Variants in CKLF observed in about 807,000 individuals in gnomAD.
CKLF encodes the protein chemokine like factor, also known as chemokine-like factor.
CKLF carries 16 observed loss-of-function variants against 12.9 expected under a neutral mutation model. That is an observed-to-expected ratio of 1.24 (90% CI 0.84 to 1.88). The LOEUF (loss-of-function observed/expected upper bound fraction) is 1.88. CKLF is among the 40% of genes most tolerant of loss of function. The pLI is 0.00. For missense variants in CKLF, 172 were observed against 188.5 expected (o/e 0.91, Z 0.51); for synonymous variants, 61 against 69.0 (o/e 0.88, Z 0.57).
chr16:66,553,813 T>C (rs559980896), intron 1 of CKLF, among the ~76,000 whole-genome samples: 12 of 152,242 alleles, frequency 7.9e-5, no homozygotes, highest in African/African-American at 2.6e-4. Context: ...GGTGAGGATG[T>C]TATAAAGGAG....
intron 2 of CKLF, among the ~76,000 whole-genome samples, chr16:66,559,082 C>G (rs2011565873): frequency 1.3e-5 from 2 of 152,152 alleles, no homozygotes; most frequent in African/African-American, 4.8e-5. Context: ...CATCCTGTCT[C>G]TGTAGGTCTC....
At chr16:66,561,273 G>A (rs1177116042) in intron 2 of CKLF, among the ~76,000 whole-genome samples, 1 of 151,142 alleles carries the variant, frequency 6.6e-6, no homozygotes, top group Non-Finnish European at 1.5e-5. Context: ...CCCCCCGAGA[G>A]CCCCAAATGA....
In CKLF at chr16:66,565,888, G is replaced by A. The variant is rs16956732; in HGVS notation, c.336G>A (p.Val112=). The change falls in exon 4 of 4, where the codon GTG becomes GTA. Residue 112 remains valine (V), a splice_region_variant and synonymous_variant. Transcript: ENST00000264001. ...ETTTLTVGGG[V]FALVTAVCCL... ...GTGACACTTGTCTTTCTTTCCAGGT[G>A]TTTGCACTTGTGACAGCAGTATGCT... 2.4e-3 allele frequency: 3,840 copies of A among 1,613,926 alleles called. 3 individuals carry two copies. Among genetic ancestry groups the A allele is most frequent in the Non-Finnish European group, 3.1e-3 (3,658 of 1,179,938 alleles).
At chr16:66,552,895 C>T (rs1000388020) in intron 1 of CKLF, 102 bp downstream of exon 1, 85 of 1,547,412 alleles carry the variant, frequency 5.5e-5, no homozygotes, top group Non-Finnish European at 7.2e-5. Flanking sequence ...TTTTCAACCT[C>T]GCTTTGATCA....
downstream of CKLF, chr16:66,566,191 T>C (rs899689515): frequency 6.5e-7 from 1 of 1,530,104 alleles, no homozygotes; most frequent in Non-Finnish European, 8.8e-7. This position sits in a 1 kb window ranked among gnomAD's most constrained non-coding sequence, Gnocchi z 4.9. Context: ...GGGATCGGGT[T>C]TTCCGGCACC....
chr16:66,565,459 A>G (rs1022517273), intron 3 of CKLF, among the ~76,000 whole-genome samples: 1 of 152,168 alleles, frequency 6.6e-6, no homozygotes, highest in Non-Finnish European at 1.5e-5. Context: ...CCATGATTTA[A>G]TATTGAGCTG....
chr16:66,564,929 G>A (rs964083107), intron 3 of CKLF, among the ~76,000 whole-genome samples: 12 of 152,200 alleles, frequency 7.9e-5, no homozygotes, highest in Non-Finnish European at 1.8e-4. Flanking sequence ...GACACAAGTG[G>A]AAACCGCTGT....
chr16:66,556,857 A>G (rs1250666341), intron 1 of CKLF, among the ~76,000 whole-genome samples: 1 of 152,230 alleles, frequency 6.6e-6, no homozygotes, highest in East Asian at 1.9e-4. Context: ...TTACCAGCTG[A>G]CAGGATATTT....
Position 66,560,798 on chromosome 16 carries a change from T to TACACACAC in CKLF, c.238-2291_238-2284dup, listed in dbSNP as rs58084691. ...ACACATTTAAACAGAAAGATAAGTATACACACACACACACACACACACACA... is the reference window on the plus strand; with the variant it reads ...ACACATTTAAACAGAAAGATAAGTATACACACACACACACACACACACACACACACACA... On this transcript the variant is annotated intron_variant, in intron 2 of 3. Coordinates refer to ENST00000264001, the MANE Select transcript of CKLF (RefSeq NM_016951.4). 4.4e-3 allele frequency among the ~76,000 whole-genome samples: 628 copies of TACACACAC among 143,744 alleles called. 6 individuals carry two copies. Among genetic ancestry groups the TACACACAC allele is most frequent in the East Asian group, 0.017 (83 of 4,798 alleles). The allele number at this position is 143,744 out of a possible 152,430, so 94.3% of individuals were successfully genotyped here.
At chr16:66,562,922 A>G (rs1410184667) in intron 2 of CKLF, 200 bp from the exon 3 acceptor site, 3 of 618,920 alleles carry the variant, frequency 4.8e-6, no homozygotes, top group Non-Finnish European at 8.5e-6. Flanking sequence ...GGGTTTCACC[A>G]TGTCGGCCAG....
At chr16:66,560,399 A>G (rs773833830) in intron 2 of CKLF, among the ~76,000 whole-genome samples, 6 of 152,146 alleles carry the variant, frequency 3.9e-5, no homozygotes, top group Non-Finnish European at 8.8e-5. Flanking sequence ...TGATCAGATG[A>G]TCAGCCTCCA....
chr16:66,554,605 C>T (rs1297728789), intron 1 of CKLF, among the ~76,000 whole-genome samples: 3 of 152,134 alleles, frequency 2.0e-5, no homozygotes, highest in Non-Finnish European at 4.4e-5. Flanking sequence ...TTTTAGTATT[C>T]TAGAAGGTGG....
chr16:66,556,364 T>C (rs2011453792), intron 1 of CKLF, among the ~76,000 whole-genome samples: 1 of 152,204 alleles, frequency 6.6e-6, no homozygotes, highest in African/African-American at 2.4e-5. Context: ...CTGAAATCAC[T>C]GATGTTAGCA....
chr16:66,565,551 CTAAA>C (rs1241737652), intron 3 of CKLF: 1 of 237,354 alleles, frequency 4.2e-6, no homozygotes, highest in Non-Finnish European at 8.3e-6. Context: ...ATATTAATAA[CTAAA>C]TATCCTCAGT....
At chr16:66,563,390 CA>C (rs1322809876) in intron 3 of CKLF, among the ~76,000 whole-genome samples, 173 bp downstream of exon 3, 1 of 152,150 alleles carries the variant, frequency 6.6e-6, no homozygotes, top group East Asian at 1.9e-4. Flanking sequence ...CCCTGATTAA[CA>C]TGAAGGAGTA....
chr16:66,552,827 G>A (rs2144510728), intron 1 of CKLF, 34 bp downstream of exon 1: 1 of 1,613,790 alleles, frequency 6.2e-7, no homozygotes, highest in South Asian at 1.1e-5. Flanking sequence ...GGAGGCTGAT[G>A]AAGCTGCTGG....
intron 3 of CKLF, among the ~76,000 whole-genome samples, chr16:66,565,067 T>C (rs1291726315): frequency 6.6e-6 from 1 of 152,064 alleles, no homozygotes; most frequent in Admixed American, 6.5e-5. Flanking sequence ...GAGCCAATAG[T>C]GTACAGAGTG....
intron 1 of CKLF, among the ~76,000 whole-genome samples, chr16:66,555,375 G>C (rs927235296): frequency 2.6e-5 from 4 of 152,196 alleles, no homozygotes; most frequent in Non-Finnish European, 4.4e-5. Flanking sequence ...GATGGTGGCT[G>C]GTGGTAGCAA....
chr16:66,564,564 G>A (rs557789104), intron 3 of CKLF, among the ~76,000 whole-genome samples: 77 of 151,354 alleles, frequency 5.1e-4, no homozygotes, highest in East Asian at 4.9e-3. Flanking sequence ...TCTGCCTCCC[G>A]GGTTCACGCC....
Sources: gnomAD v4.1 joint callset for allele counts (sites outside exome capture counted in the v4.1 genomes callset) on GRCh38, gnomAD v4.1.1 for gene constraint, Gnocchi (gnomAD v3.1) non-coding constraint, MANE v1.5 for transcripts, NCBI Gene and HGNC (gene_info 2026-07-23, HGNC 2026-07-21) for gene names.